The following GNA11 variants were observed in gnomAD, a reference collection of about 807,000 sequenced individuals.
GNA11 encodes the protein G protein subunit alpha 11.
In GNA11, 8 loss-of-function variants were observed where a neutral mutation model predicts 38.2. That is an observed-to-expected ratio of 0.21 (90% CI 0.12 to 0.38). GNA11 has a LOEUF of 0.38. Among genes scored for constraint, GNA11 ranks in the 10% least tolerant of loss-of-function variants. The pLI is 1.00. For missense variants in GNA11, 268 were observed against 516.3 expected (o/e 0.52, Z 4.66); for synonymous variants, 211 against 221.4 (o/e 0.95, Z 0.42).
chr19:3,113,295 C>G (rs754954665), intron 2 of GNA11, 35 bp from the exon 3 acceptor site: 2 of 1,604,246 alleles, frequency 1.2e-6, no homozygotes, highest in Non-Finnish European at 1.7e-6. Context: ...GTGGCCCCAG[C>G]GAGCTCTCGA....
At position 3,094,806 on chromosome 19, in the gene GNA11, C is replaced by T. The variant is rs769938692; in HGVS notation, c.136+19C>T. ...CTGCTCGGTGAGTGCGGCCCCCGGG[C>T]CTGCCGGCTGCGGGCCCTGCCCTGC... On this transcript the variant is annotated intron_variant, in intron 1 of 6. Transcript: ENST00000078429. This position sits in a 1 kb window ranked among gnomAD's most constrained non-coding sequence, Gnocchi z 6.0. 3 of 1,537,496 alleles carry T rather than the reference C, an allele frequency of 2.0e-6. No individual in the cohort carries two copies. The highest frequency in any genetic ancestry group is 1.9e-5 in the Admixed American group (1 of 52,528).
At position 3,114,928 on chromosome 19, in the gene GNA11, C is replaced by T. The variant is rs2145320601; in HGVS notation, c.477-16C>T. The stretch of plus-strand genomic sequence containing the variant: ...ACCCCCGGCAGCCGGCCTGAGCACC[C>T]ACCGCTGTGTTGCAGCTACCTGACC... On this transcript the variant is annotated splice_polypyrimidine_tract_variant and intron_variant, in intron 3 of 6. Coordinates refer to ENST00000078429, the MANE Select transcript of GNA11 (RefSeq NM_002067.5). 1 of 1,599,598 alleles carries T rather than the reference C, an allele frequency of 6.3e-7. No homozygotes were observed. The highest frequency in any genetic ancestry group is 8.5e-7 in the Non-Finnish European group (1 of 1,170,716).
chr19:3,105,580 G>A (rs1432527839), intron 1 of GNA11, among the ~76,000 whole-genome samples: 4 of 152,122 alleles, frequency 2.6e-5, no homozygotes, highest in Non-Finnish European at 2.9e-5. Flanking sequence ...AGAGCTCCGT[G>A]GCGGAAGAAG....
rs2145325949 is a variant in GNA11 at position 3,118,941 on chromosome 19, G to A, written c.623G>A (p.Gly208Asp). The change falls in exon 5 of 7, where the codon GGC (glycine) becomes GAC (aspartate). Residue 208 changes from glycine (G) to aspartate (D), a missense_variant. By Grantham distance (94) the Gly-to-Asp change is moderately conservative (BLOSUM62 -1). Coordinates refer to ENST00000078429, the MANE Select transcript of GNA11 (RefSeq NM_002067.5). ...CCTTTCAGGATGGTGGATGTGGGGGGCCAGCGGTCGGAGCGGAGGAAGTGG... is the reference window on the plus strand; with the variant it reads ...CCTTTCAGGATGGTGGATGTGGGGGACCAGCGGTCGGAGCGGAGGAAGTGG... ...NIIFRMVDVG[G>D]QRSERRKWIH... The A allele has an allele frequency of 6.2e-7, 1 of 1,613,834 alleles. No individual in the cohort carries two copies. Among genetic ancestry groups the A allele is most frequent in the East Asian group, 2.2e-5 (1 of 44,876 alleles).
chr19:3,115,234 T>C (rs751778715), intron 4 of GNA11, 162 bp downstream of exon 4: 50 of 725,600 alleles, frequency 6.9e-5, no homozygotes, highest in South Asian at 2.8e-4. Flanking sequence ...CCAGACCTCA[T>C]ATCTAAAAAA....
At chr19:3,115,726 CTCA>C (rs1170062076) in intron 4 of GNA11, among the ~76,000 whole-genome samples, 58 of 117,254 alleles carry the variant, frequency 4.9e-4, no homozygotes, top group Non-Finnish European at 9.2e-4. Context: ...GGGGAGGGGG[CTCA>C]TGGGGACCGA....
intron 1 of GNA11, among the ~76,000 whole-genome samples, chr19:3,109,065 G>A (rs1379690823): frequency 1.3e-5 from 2 of 152,270 alleles, no homozygotes; most frequent in African/African-American, 4.8e-5. Context: ...CATTCTGTTT[G>A]CTAGAAGCAG....
chr19:3,104,160 C>T (rs1158059991), intron 1 of GNA11, among the ~76,000 whole-genome samples: 1 of 152,268 alleles, frequency 6.6e-6, no homozygotes, highest in Non-Finnish European at 1.5e-5. Flanking sequence ...CTCCTGCTGT[C>T]AGGGCTGCGC....
chr19:3,095,891 G>T (rs1411065090), intron 1 of GNA11, among the ~76,000 whole-genome samples: 6 of 152,284 alleles, frequency 3.9e-5, no homozygotes, highest in South Asian at 2.1e-4. Flanking sequence ...CACACCTGCT[G>T]CAGGGAGCCA....
chr19:3,094,821 CCCTGCCCTGCCTGTG>C lies in GNA11; in HGVS notation c.136+49_136+63del, dbSNP rs774257627. On this transcript the variant is annotated intron_variant, in intron 1 of 6. Coordinates refer to ENST00000078429, the MANE Select transcript of GNA11 (RefSeq NM_002067.5). This position sits in a 1 kb window ranked among gnomAD's most constrained non-coding sequence, Gnocchi z 6.0. ...GGCCCCCGGGCCTGCCGGCTGCGGG[CCCTGCCCTGCCTGTG>C]CCTGCCCTGCCTGTCCGGGTCGGGC... 28 of 1,480,820 alleles carry C rather than the reference CCCTGCCCTGCCTGTG, an allele frequency of 1.9e-5. No individual in the cohort carries two copies. Among genetic ancestry groups the C allele is most frequent in the South Asian group, 9.3e-5 (7 of 75,460 alleles). 91.7% of individuals were successfully genotyped at this position (1,480,820 alleles called of 1,614,324 possible). A position where few individuals can be genotyped will look rare whatever the true frequency, so the allele number is the denominator to read the frequency against.
chr19:3,110,210 C>A lies in GNA11; in HGVS notation c.198C>A (p.Gly66=). The change falls in exon 2 of 7, where the codon GGC becomes GGA. Residue 66 remains glycine (G), a synonymous_variant. Transcript: ENST00000078429. The surrounding 1 kb of genome is among the most constrained non-coding windows in gnomAD (Gnocchi z 5.4). ...AGATGCGCATCATCCACGGCGCCGG[C>A]TACTCGGAGGAGGACAAGCGCGGCT... ...IKQMRIIHGA[G]YSEEDKRGFT... is the part of the protein sequence containing the mutation. 1 of 1,613,812 alleles carries A rather than the reference C, an allele frequency of 6.2e-7. No individual in the cohort carries two copies. Among genetic ancestry groups the A allele is most frequent in the Admixed American group, 1.7e-5 (1 of 59,996 alleles).
chr19:3,123,120 C>T lies in GNA11; in HGVS notation c.*1941C>T. ...CCTGGCAGGGCCGCTACAACCTTTTCCAGCAGCGGAGCCCTCTGGGGGGCC... is the reference window on the plus strand; with the variant it reads ...CCTGGCAGGGCCGCTACAACCTTTTTCAGCAGCGGAGCCCTCTGGGGGGCC... On this transcript the variant is annotated 3_prime_UTR_variant, in exon 7 of 7. Transcript: ENST00000078429. 1 of 233,116 alleles carries T rather than the reference C, an allele frequency of 4.3e-6. No individual in the cohort carries two copies. Among genetic ancestry groups the T allele is most frequent in the East Asian group, 6.0e-5 (1 of 16,582 alleles). 14.4% of individuals were successfully genotyped at this position (233,116 alleles called of 1,614,324 possible).
chr19:3,098,389 G>A (rs1440172887), intron 1 of GNA11, among the ~76,000 whole-genome samples: 1 of 152,208 alleles, frequency 6.6e-6, no homozygotes, highest in Non-Finnish European at 1.5e-5. Flanking sequence ...CCCCAGGCCC[G>A]CTGGGCTTCT....
chr19:3,118,348 C>G (rs777629808), intron 4 of GNA11: 5 of 152,634 alleles, frequency 3.3e-5, no homozygotes, highest in African/African-American at 1.2e-4. Context: ...CTTTCTCCCG[C>G]CTGTGCGTGG....
intron 2 of GNA11, among the ~76,000 whole-genome samples, chr19:3,111,633 G>A (rs906238734): frequency 3.9e-5 from 6 of 152,254 alleles, no homozygotes; most frequent in African/African-American, 7.2e-5. Flanking sequence ...GTCTGTGGAC[G>A]TGTGTTTATG....
intron 1 of GNA11, among the ~76,000 whole-genome samples, chr19:3,102,429 G>C (rs916728051): frequency 6.6e-6 from 1 of 152,236 alleles, no homozygotes; most frequent in Non-Finnish European, 1.5e-5. Context: ...AGCCTCAGCA[G>C]CGGGGTGAGC....
intron 1 of GNA11, among the ~76,000 whole-genome samples, chr19:3,097,573 G>A (rs370317180): frequency 4.6e-5 from 7 of 152,222 alleles, no homozygotes; most frequent in East Asian, 3.8e-4. Flanking sequence ...AGAACGCCGC[G>A]TCTGCTCGCT....
chr19:3,103,673 C>T (rs555551830), intron 1 of GNA11, among the ~76,000 whole-genome samples: 143 of 151,430 alleles, frequency 9.4e-4, no homozygotes, highest in African/African-American at 3.4e-3. Flanking sequence ...TTACAAGCGC[C>T]CACTGCCACA....
At position 3,096,611 on chromosome 19, in the gene GNA11, A is replaced by G. The variant is rs1473735198; in HGVS notation, c.136+1824A>G. ...TCTGCCGCCTTGGCTGCTTGGAGCA[A>G]GTCTGGAAGTGATGCGGCCCTTCCC... On this transcript the variant is annotated intron_variant, in intron 1 of 6. Transcript: ENST00000078429. 2.0e-5 allele frequency among the ~76,000 whole-genome samples: 3 copies of G among 152,228 alleles called. No homozygotes were observed. In the East Asian group the frequency reaches 5.8e-4, roughly 30 times the overall value.
Sources: gnomAD v4.1 joint callset for allele counts (sites outside exome capture counted in the v4.1 genomes callset) on GRCh38, gnomAD v4.1.1 for gene constraint, Gnocchi (gnomAD v3.1) non-coding constraint, MANE v1.5 for transcripts, NCBI Gene and HGNC (gene_info 2026-07-23, HGNC 2026-07-21) for gene names.